The following PEX14 variants were observed in gnomAD, a reference collection of about 807,000 sequenced individuals.
PEX14 encodes the protein peroxisomal membrane protein PEX14.
Under a neutral mutation model 49.5 loss-of-function variants are expected in PEX14, and 15 were observed. The ratio of observed to expected loss-of-function variants is 0.30; its 90% CI spans 0.20 to 0.47. PEX14 has a LOEUF of 0.47. Among genes scored for constraint, PEX14 ranks in the 20% least tolerant of loss-of-function variants. PEX14 has a pLI of 1.00. For synonymous variants in PEX14, 210 were observed against 212.7 expected, an observed-to-expected ratio of 0.99 and a Z score of 0.11; for missense variants, 398 against 494.8, an observed-to-expected ratio of 0.80 and a Z score of 1.86.
rs547137187 is a variant in PEX14, at chr1:10,554,149, A to T, written c.169+17852A>T. 7.2e-4 allele frequency among the ~76,000 whole-genome samples: 109 copies of T among 151,114 alleles called. 1 individual carries two copies. Among genetic ancestry groups the T allele is most frequent in the African/African-American group, 2.3e-3 (96 of 41,242 alleles). ...CTAAAAATACAAAAAAAAAAAAAAAAAAAAATTAGCCGGGCATGGTGGTGG... is the reference window on the plus strand; with the variant it reads ...CTAAAAATACAAAAAAAAAAAAAAATAAAAATTAGCCGGGCATGGTGGTGG... On this transcript the variant is annotated intron_variant, in intron 3 of 8. Coordinates refer to ENST00000356607, the MANE Select transcript of PEX14 (RefSeq NM_004565.3).
At chr1:10,533,453 C>T (rs1386702213) in intron 2 of PEX14, among the ~76,000 whole-genome samples, 1 of 152,152 alleles carries the variant, frequency 6.6e-6, no homozygotes, top group East Asian at 1.9e-4. Context: ...AAAATAAATA[C>T]GTCAATTTCA....
intron 3 of PEX14, among the ~76,000 whole-genome samples, chr1:10,556,519 GC>G (rs1639494945): frequency 6.6e-6 from 1 of 152,160 alleles, no homozygotes; most frequent in Admixed American, 6.5e-5. Flanking sequence ...CCCTTGGAGG[GC>G]CAGAGGCAGT....
chr1:10,581,886 T>C lies in PEX14; in HGVS notation c.170-17352T>C, dbSNP rs188385131. Among the ~76,000 whole-genome samples the C allele has an allele frequency of 4.0e-5, 6 of 151,866 alleles. No homozygotes were observed. In the East Asian group the frequency reaches 1.2e-3, roughly 29 times the overall value. On this transcript the variant is annotated intron_variant, in intron 3 of 8. Coordinates refer to ENST00000356607, the MANE Select transcript of PEX14 (RefSeq NM_004565.3). ...AACATTTTGTAAGACTATAGTAATT[T>C]TATATTTCTCATGGCTATTATGAAA...
At position 10,495,301 on chromosome 1, in the gene PEX14, G is replaced by A; in HGVS notation, c.64G>A (p.Val22Met). The change falls in exon 2 of 9, where the codon GTG (valine) becomes ATG (methionine). Residue 22 changes from valine to methionine, a missense_variant. This residue lies in a region of PEX14 where 56 missense variants were observed against 40.8 expected (regional missense o/e 1.37). Transcript: ENST00000356607. The surrounding 1 kb of genome is among the most constrained non-coding windows in gnomAD (Gnocchi z 4.2). ...QPSSTPGSEN[V>M]LPREPLIATA... The stretch of plus-strand genomic sequence containing the variant: ...AAGCTCTACTCCAGGAAGTGAAAAT[G>A]TGCTGCCTCGAGAGCCGCTGGTAAG... 1 of 1,613,906 alleles carries A rather than the reference G, an allele frequency of 6.2e-7. No homozygotes were observed. The highest frequency in any genetic ancestry group is 8.5e-7 in the Non-Finnish European group (1 of 1,179,872).
At chr1:10,518,534 T>C (rs910381588) in intron 2 of PEX14, among the ~76,000 whole-genome samples, 1 of 152,192 alleles carries the variant, frequency 6.6e-6, no homozygotes, top group Non-Finnish European at 1.5e-5. Flanking sequence ...GTAGTGTATA[T>C]ATTGGGAAAT....
At chr1:10,601,872 C>T (rs773481896) in intron 4 of PEX14, among the ~76,000 whole-genome samples, 12 of 152,216 alleles carry the variant, frequency 7.9e-5, no homozygotes, top group African/African-American at 1.4e-4. Context: ...GGATAGGCAG[C>T]GGCAGCTGGG....
chr1:10,505,220 A>G (rs1641760461), intron 2 of PEX14, among the ~76,000 whole-genome samples: 1 of 152,224 alleles, frequency 6.6e-6, no homozygotes, highest in African/African-American at 2.4e-5. Flanking sequence ...CTGTAATCCC[A>G]GCACCTTGCG....
chr1:10,558,200 G>A (rs927989212), intron 3 of PEX14, among the ~76,000 whole-genome samples: 1 of 152,004 alleles, frequency 6.6e-6, no homozygotes, highest in Non-Finnish European at 1.5e-5. Context: ...TAGAGATGGG[G>A]TTTCTTCATG....
chr1:10,576,595 T>A (rs925194727), intron 3 of PEX14, among the ~76,000 whole-genome samples: 1 of 152,172 alleles, frequency 6.6e-6, no homozygotes, highest in Non-Finnish European at 1.5e-5. Context: ...AGTTTTTCCC[T>A]GACCTTCAAA....
At chr1:10,524,793 A>T (rs1638419068) in intron 2 of PEX14, among the ~76,000 whole-genome samples, 2 of 152,196 alleles carry the variant, frequency 1.3e-5, no homozygotes, top group Admixed American at 1.3e-4. Context: ...TCCTGAGCTC[A>T]AGCCATCCTC....
chr1:10,517,754 T>TG (rs985452629), intron 2 of PEX14, among the ~76,000 whole-genome samples: 2 of 150,926 alleles, frequency 1.3e-5, no homozygotes, highest in Non-Finnish European at 2.9e-5. Context: ...TCAGAGTATA[T>TG]GGGGGGCAGA....
chr1:10,527,265 A>G (rs1638515036), intron 2 of PEX14, among the ~76,000 whole-genome samples: 1 of 149,792 alleles, frequency 6.7e-6, no homozygotes, highest in Non-Finnish European at 1.5e-5. Context: ...CACGCCTGTA[A>G]TCCCACACTT....
rs971196080 is a variant in PEX14 at position 10,494,571 on chromosome 1, C to G, written c.37-703C>G. Among the ~76,000 whole-genome samples, 2 of 152,188 alleles carry G rather than the reference C, an allele frequency of 1.3e-5. No homozygotes were observed. Among genetic ancestry groups the G allele is most frequent in the Admixed American group, 1.3e-4 (2 of 15,282 alleles). On this transcript the variant is annotated intron_variant, in intron 1 of 8. Transcript: ENST00000356607. The surrounding 1 kb of genome is among the most constrained non-coding windows in gnomAD (Gnocchi z 4.3). The stretch of plus-strand genomic sequence containing the variant: ...GGCGCCTGTGAGGGTGAGGTAGTGG[C>G]CCCAAGGAAGAGGAAACGGGCTAGA...
chr1:10,597,723 C>G lies in PEX14; in HGVS notation c.170-1515C>G, dbSNP rs1386198147. Among the ~76,000 whole-genome samples, 3 of 152,162 alleles carry G rather than the reference C, an allele frequency of 2.0e-5. No individual in the cohort carries two copies. The highest frequency in any genetic ancestry group is 7.2e-5 in the African/African-American group (3 of 41,422). ...GTGGTGAGGCTGTGCCTGCCCTTGG[C>G]CAGCTCCACTGTGTGAAGAGGGTAA... On this transcript the variant is annotated intron_variant, in intron 3 of 8. Coordinates refer to ENST00000356607, the MANE Select transcript of PEX14 (RefSeq NM_004565.3). The surrounding 1 kb of genome is among the most constrained non-coding windows in gnomAD (Gnocchi z 5.7).
intron 4 of PEX14, among the ~76,000 whole-genome samples, chr1:10,616,553 C>T (rs1407910543): frequency 3.3e-5 from 5 of 152,170 alleles, no homozygotes; most frequent in Non-Finnish European, 5.9e-5. Flanking sequence ...GTGCTGTGAT[C>T]GCCTTCCCCG....
rs559324795 is a variant in PEX14, at chr1:10,625,700, G to A, written c.585+1263G>A. On this transcript the variant is annotated intron_variant, in intron 7 of 8. Transcript: ENST00000356607. Reference sequence around the variant, plus strand: ...AGCGACAGCCCTGCCTGCTCTCCTGGGTCAGGTCATCTTTTGGATCCATGC... The same window carrying A: ...AGCGACAGCCCTGCCTGCTCTCCTGAGTCAGGTCATCTTTTGGATCCATGC... Among the ~76,000 whole-genome samples the A allele has an allele frequency of 3.3e-5, 5 of 152,330 alleles. No homozygotes were observed. The East Asian group carries it at 9.6e-4, about 29-fold the overall frequency.
intron 1 of PEX14, among the ~76,000 whole-genome samples, chr1:10,486,881 G>A (rs930378612): frequency 6.6e-6 from 1 of 151,914 alleles, no homozygotes; most frequent in East Asian, 1.9e-4. Flanking sequence ...TAGAGATGGG[G>A]TTTCACCATC....
intron 2 of PEX14, among the ~76,000 whole-genome samples, chr1:10,504,921 T>G (rs1317731399): frequency 6.6e-6 from 1 of 151,860 alleles, no homozygotes; most frequent in Admixed American, 6.6e-5. Context: ...GTAGCTGAGA[T>G]TACAGGTGTG....
chr1:10,612,481 G>A (rs953017609), intron 4 of PEX14, among the ~76,000 whole-genome samples: 3 of 152,190 alleles, frequency 2.0e-5, no homozygotes, highest in African/African-American at 7.2e-5. Flanking sequence ...GGATGTACGT[G>A]TAAATACAGG....
Sources: allele counts gnomAD v4.1 joint callset (sites outside exome capture counted in the v4.1 genomes callset), GRCh38; gene constraint gnomAD v4.1.1; regional missense constraint gnomAD v4.1.1; non-coding constraint Gnocchi (gnomAD v3.1); transcripts MANE v1.5; gene names NCBI Gene and HGNC (gene_info 2026-07-23, HGNC 2026-07-21).